The following RBBP8 variants were observed in gnomAD, a reference collection of about 807,000 sequenced individuals.
RBBP8 encodes DNA endonuclease RBBP8.
A neutral mutation model predicts 108.3 loss-of-function variants in RBBP8; 88 were observed. The observed-to-expected ratio is 0.81, with a 90% CI of 0.68 to 0.97. The LOEUF (loss-of-function observed/expected upper bound fraction) is 0.97. RBBP8 is among the 50% of genes least tolerant of loss of function. The probability of loss-of-function intolerance (pLI) is 0.00; values close to 1 mark genes in which losing one functional copy is unlikely to be tolerated. For synonymous variants in RBBP8, 332 were observed against 348.2 expected, an observed-to-expected ratio of 0.95 and a Z score of 0.52; for missense variants, 1,023 against 1,049.0, an observed-to-expected ratio of 0.98 and a Z score of 0.34.
intron 14 of RBBP8, 21 bp downstream of exon 14, chr18:22,997,755 G>A (rs1289830484): frequency 6.0e-6 from 9 of 1,489,436 alleles, no homozygotes; most frequent in Non-Finnish European, 8.3e-6. Context: ...TTTTTGTTTT[G>A]TTATTTTTTT....
intron 4 of RBBP8, among the ~76,000 whole-genome samples, chr18:22,959,922 C>T (rs555049073): frequency 4.4e-4 from 59 of 132,744 alleles, no homozygotes; most frequent in Non-Finnish European, 7.1e-4. Flanking sequence ...GACAGAGTCT[C>T]GCTCTGTCAC....
Position 22,990,956 on chromosome 18 carries a change from G to A in RBBP8, c.827G>A (p.Ser276Asn). Residue 276 changes from serine to asparagine, a missense_variant, in exon 10 of 19, where the codon AGC becomes AAC. Transcript: ENST00000327155. ...TTGAAGGAAACTCAAGGTCCCATGA[G>A]CCCCCTTGGTGATGAGCTCTACCAC... ...QEESETQGPM[S>N]PLGDELYHCL... The A allele has an allele frequency of 6.2e-7, 1 of 1,613,534 alleles. No individual in the cohort carries two copies.
intron 12 of RBBP8, among the ~76,000 whole-genome samples, chr18:22,995,167 A>G (rs538023443): frequency 6.6e-6 from 1 of 152,066 alleles, no homozygotes; most frequent in African/African-American, 2.4e-5. Flanking sequence ...AAGCACAGTC[A>G]TTAGTTGTTT....
chr18:22,973,071 G>A (rs531347967), intron 5 of RBBP8, among the ~76,000 whole-genome samples: 91 of 152,186 alleles, frequency 6.0e-4, no homozygotes, highest in Non-Finnish European at 5.7e-4. Context: ...TGACTCCTAC[G>A]TCAAAACTTT....
At chr18:22,915,828 T>A (rs1909335145) in intron 2 of RBBP8, among the ~76,000 whole-genome samples, 1 of 152,120 alleles carries the variant, frequency 6.6e-6, no homozygotes, top group Admixed American at 6.6e-5. Flanking sequence ...TTTTTATGTT[T>A]ATGGTTTTGA....
chr18:22,961,523 ATAGG>A (rs1265095899), intron 4 of RBBP8, among the ~76,000 whole-genome samples: 2 of 152,250 alleles, frequency 1.3e-5, no homozygotes, highest in Non-Finnish European at 2.9e-5. Flanking sequence ...TGAAAAGAAC[ATAGG>A]TAGGAGAAGA....
intron 5 of RBBP8, among the ~76,000 whole-genome samples, chr18:22,972,411 A>C (rs369746671): frequency 3.0e-5 from 4 of 135,114 alleles, no homozygotes; most frequent in African/African-American, 5.4e-5. Flanking sequence ...AATCTTGTTT[A>C]TTTCTTTTTT....
At chr18:22,944,769 C>A (rs575923442) in intron 2 of RBBP8, among the ~76,000 whole-genome samples, 1 of 152,242 alleles carries the variant, frequency 6.6e-6, no homozygotes, top group South Asian at 2.1e-4. Flanking sequence ...CCAAAAAATT[C>A]TCCAGGGCCT....
In RBBP8 at chr18:22,946,466, G is replaced by T. The variant is rs1283569412; in HGVS notation, c.132G>T (p.Lys44Asn). Residue 44 changes from lysine to asparagine, a missense_variant, in exon 3 of 19, where the codon AAG (lysine) becomes AAT (asparagine). Coordinates refer to ENST00000327155, the MANE Select transcript of RBBP8 (RefSeq NM_002894.3). ...EVQGLQVKVT[K>N]LKQERILDAQ... is the part of the protein sequence containing the mutation. ...CAGGTTTACAAGTAAAAGTAACCAA[G>T]CTAAAACAGGAACGAATCTTGTAAG... 2 of 1,612,734 alleles carry T rather than the reference G, an allele frequency of 1.2e-6. No individual in the cohort carries two copies. Among genetic ancestry groups the T allele is most frequent in the Admixed American group, 3.3e-5 (2 of 59,986 alleles).
chr18:22,936,917 C>T lies in RBBP8; in HGVS notation c.66C>T (p.Asp22=), dbSNP rs764445306. Residue 22 remains aspartate, a synonymous_variant, in exon 2 of 19, where the codon GAC becomes GAT. Transcript: ENST00000327155. Reference sequence around the variant, plus strand: ...CAGATACATCTAGTGACTTTAAGGACCTTTGGACAAAACTAAAAGAATGTC... The same window carrying T: ...CAGATACATCTAGTGACTTTAAGGATCTTTGGACAAAACTAAAAGAATGTC... ...NSADTSSDFK[D]LWTKLKECHD... 3 of 1,613,982 alleles carry T rather than the reference C, an allele frequency of 1.9e-6. No homozygotes were observed. The highest frequency in any genetic ancestry group is 4.5e-5 in the East Asian group (2 of 44,872).
At chr18:22,940,739 A>C (rs1235948276) in intron 2 of RBBP8, among the ~76,000 whole-genome samples, 1 of 151,910 alleles carries the variant, frequency 6.6e-6, no homozygotes, top group Non-Finnish European at 1.5e-5. Context: ...CTCAAATTCC[A>C]GGGTGCAGGC....
At chr18:23,006,304 G>C in intron 15 of RBBP8, 59 bp from the exon 16 acceptor site, 4 of 1,451,082 alleles carry the variant, frequency 2.8e-6, no homozygotes, top group Non-Finnish European at 3.9e-6. Flanking sequence ...TTCCAAGCTA[G>C]TTAATTATTT....
intron 8 of RBBP8, among the ~76,000 whole-genome samples, chr18:22,985,992 C>T (rs931723700): frequency 6.6e-6 from 1 of 151,678 alleles, no homozygotes; most frequent in Admixed American, 6.6e-5. Context: ...ACATTTCCCC[C>T]CTCCCCCCAG....
chr18:22,985,463 A>G (rs28594790), intron 8 of RBBP8, among the ~76,000 whole-genome samples: 49,828 of 152,024 alleles, frequency 0.33, 8,334 homozygotes, highest in East Asian at 0.44. Flanking sequence ...TCACGTGGCT[A>G]TCTGGGAGAA....
At chr18:22,927,261 T>C (rs1406067263) in intron 3 of RBBP8, among the ~76,000 whole-genome samples, 1 of 152,224 alleles carries the variant, frequency 6.6e-6, no homozygotes, top group Non-Finnish European at 1.5e-5. Context: ...TAAATAATCA[T>C]AAAGGATTTA....
intron 13 of RBBP8, 44 bp downstream of exon 13, chr18:22,996,506 A>G (rs1376807037): frequency 6.2e-7 from 1 of 1,603,920 alleles, no homozygotes; most frequent in East Asian, 2.2e-5. Context: ...CTTTTATTCC[A>G]ATGAGTTGTT....
In RBBP8 at chr18:22,993,542, A is replaced by T. The variant is rs1915854821; in HGVS notation, c.1715A>T (p.Lys572Ile). ...QPLNKCSPDN[K>I]PSLQIKEENA... is the part of the protein sequence containing the mutation. The stretch of plus-strand genomic sequence containing the variant: ...TTGAATAAATGCTCTCCAGACAATA[A>T]ACCATCATTACAAATAAAAGAAGAA... Residue 572 changes from lysine to isoleucine, a missense_variant, in exon 11 of 19, where the codon AAA (lysine) becomes ATA (isoleucine). Coordinates refer to ENST00000327155, the MANE Select transcript of RBBP8 (RefSeq NM_002894.3). 2 of 1,613,486 alleles carry T rather than the reference A, an allele frequency of 1.2e-6. No homozygotes were observed. Among genetic ancestry groups the T allele is most frequent in the East Asian group, 4.5e-5 (2 of 44,894 alleles).
chr18:22,933,136 C>T (rs1203862502), upstream of RBBP8, among the ~76,000 whole-genome samples: 1 of 152,250 alleles, frequency 6.6e-6, no homozygotes, highest in Non-Finnish European at 1.5e-5. Context: ...CTTTCCCCAG[C>T]GCAATTCAGA....
At chr18:22,950,693 AGAT>A (rs1911959710) in intron 4 of RBBP8, among the ~76,000 whole-genome samples, 1 of 152,214 alleles carries the variant, frequency 6.6e-6, no homozygotes, top group African/African-American at 2.4e-5. Context: ...CAAGGCAAGA[AGAT>A]GATTGCTTGA....
Sources: allele counts gnomAD v4.1 joint callset (sites outside exome capture counted in the v4.1 genomes callset), GRCh38; gene constraint gnomAD v4.1.1; transcripts MANE v1.5; gene names NCBI Gene and HGNC (gene_info 2026-07-23, HGNC 2026-07-21).